The following THSD7B variants were observed in gnomAD, a reference collection of about 807,000 sequenced individuals.
THSD7B encodes the protein thrombospondin type-1 domain-containing protein 7B.
In THSD7B, 138 loss-of-function variants were observed where a neutral mutation model predicts 213.6. The observed-to-expected ratio is 0.65, with a 90% CI of 0.56 to 0.74. The LOEUF is 0.74. Ranked by LOEUF, THSD7B falls within the 30% of genes least tolerant of loss-of-function variation. The pLI, the probability that THSD7B is intolerant of heterozygous loss-of-function variation, is 0.00. For synonymous variants in THSD7B, 742 were observed against 687.0 expected (o/e 1.08, Z -1.25); for missense variants, 1,931 against 1,991.5 (o/e 0.97, Z 0.58).
intron 2 of THSD7B, among the ~76,000 whole-genome samples, chr2:136,949,544 G>T (rs1055376961): frequency 1.3e-5 from 2 of 152,178 alleles, no homozygotes; most frequent in Non-Finnish European, 2.9e-5. Context: ...TCCCAGCGTG[G>T]TTGCTGCGCT....
At chr2:136,807,797 C>T (rs947325246) in intron 1 of THSD7B, among the ~76,000 whole-genome samples, 1 of 152,154 alleles carries the variant, frequency 6.6e-6, no homozygotes. Context: ...TGAGCCACCA[C>T]ACCTGGCCAC....
chr2:137,279,237 A>AT lies in THSD7B; in HGVS notation c.2500+3217dup, dbSNP rs544951599. On this transcript the variant is annotated intron_variant, in intron 12 of 27. Coordinates refer to ENST00000409968, the MANE Select transcript of THSD7B (RefSeq NM_001316349.2). ...ATATGTACTACTTTGGTAAAAATAT[A>AT]TTTTTTAACATAAACTGGCCAGGTG... 3.8e-3 allele frequency among the ~76,000 whole-genome samples: 574 copies of AT among 152,224 alleles called. 5 individuals carry two copies. Among genetic ancestry groups the AT allele is most frequent in the African/African-American group, 0.011 (456 of 41,534 alleles).
chr2:136,873,021 T>TG, intron 1 of THSD7B, among the ~76,000 whole-genome samples: 1 of 43,500 alleles, frequency 2.3e-5, no homozygotes, highest in South Asian at 1.6e-3. Context: ...AGACTCCATC[T>TG]AAAAAAAAAA....
chr2:137,002,383 T>C (rs1336480613), intron 2 of THSD7B, among the ~76,000 whole-genome samples: 3 of 152,062 alleles, frequency 2.0e-5, no homozygotes, highest in African/African-American at 7.2e-5. Context: ...GATTATGAGA[T>C]CCTTCAGGAG....
intron 3 of THSD7B, among the ~76,000 whole-genome samples, chr2:137,064,425 A>G (rs897643077): frequency 2.0e-5 from 3 of 151,974 alleles, no homozygotes; most frequent in Admixed American, 6.6e-5. Flanking sequence ...TTAGACTGGT[A>G]GTTTGCAAAA....
At chr2:136,930,607 C>T (rs1684611618) in intron 2 of THSD7B, among the ~76,000 whole-genome samples, 1 of 152,072 alleles carries the variant, frequency 6.6e-6, no homozygotes, top group African/African-American at 2.4e-5. Context: ...AGCATCCAGG[C>T]TGATGGATGT....
chr2:137,181,126 A>G (rs543604708), intron 7 of THSD7B, among the ~76,000 whole-genome samples: 12 of 152,356 alleles, frequency 7.9e-5, no homozygotes, highest in African/African-American at 2.9e-4. Context: ...TCTTGATCAC[A>G]TTCAGACAGC....
intron 7 of THSD7B, among the ~76,000 whole-genome samples, chr2:137,212,281 A>G (rs999852785): frequency 3.9e-5 from 6 of 151,948 alleles, no homozygotes; most frequent in African/African-American, 1.4e-4. Flanking sequence ...TCATTTTGTA[A>G]TGAGTGAGCT....
intron 2 of THSD7B, among the ~76,000 whole-genome samples, chr2:136,904,613 T>C (rs529172869): frequency 1.3e-5 from 2 of 152,306 alleles, no homozygotes; most frequent in East Asian, 1.9e-4. Context: ...AGGGGCCATC[T>C]TCTTCCATGT....
At chr2:137,646,681 T>TAATAATAATAATAATAAAAAA (rs879335014) in intron 21 of THSD7B, among the ~76,000 whole-genome samples, 2 of 148,152 alleles carry the variant, frequency 1.3e-5, no homozygotes, top group African/African-American at 5.0e-5. Context: ...ATAATAATAA[T>TAATAATAATAATAATAAAAAA]AAACACTTCA....
chr2:137,333,852 A>G (rs1684573680), intron 12 of THSD7B, among the ~76,000 whole-genome samples: 1 of 152,222 alleles, frequency 6.6e-6, no homozygotes, highest in African/African-American at 2.4e-5. Flanking sequence ...GAAATGCTCT[A>G]TGATGATGGG....
chr2:136,927,653 G>T (rs190730268), intron 2 of THSD7B, among the ~76,000 whole-genome samples: 60 of 152,324 alleles, frequency 3.9e-4, no homozygotes, highest in Non-Finnish European at 8.8e-5. Flanking sequence ...CAGTTGGCTT[G>T]AACCAAAGTG....
intron 2 of THSD7B, among the ~76,000 whole-genome samples, chr2:136,997,998 C>G (rs1417848882): frequency 2.0e-5 from 3 of 151,906 alleles, no homozygotes; most frequent in Non-Finnish European, 4.4e-5. Flanking sequence ...GAGAAAAAGC[C>G]CAAAATTCAG....
intron 6 of THSD7B, among the ~76,000 whole-genome samples, chr2:137,165,726 T>C (rs1213829932): frequency 6.6e-6 from 1 of 151,508 alleles, no homozygotes; most frequent in Non-Finnish European, 1.5e-5. Context: ...ATCTAGGATA[T>C]TTATACTTTC....
chr2:137,289,359 G>A (rs1372589483), intron 12 of THSD7B, among the ~76,000 whole-genome samples: 2 of 151,532 alleles, frequency 1.3e-5, no homozygotes, highest in Non-Finnish European at 2.9e-5. Context: ...CAATAAAGAA[G>A]TGTATTACAT....
chr2:136,997,331 A>C (rs1003474563), intron 2 of THSD7B, among the ~76,000 whole-genome samples: 10 of 152,190 alleles, frequency 6.6e-5, no homozygotes, highest in Non-Finnish European at 1.2e-4. Context: ...CTAAAATTAG[A>C]GTGTAAATAT....
rs1430863587 is a variant in THSD7B, at chr2:137,310,111, A to C, written c.2500+34085A>C. On this transcript the variant is annotated intron_variant, in intron 12 of 27. Coordinates refer to ENST00000409968, the MANE Select transcript of THSD7B (RefSeq NM_001316349.2). The stretch of plus-strand genomic sequence containing the variant: ...ACTTCCACAATGGTTGAACTAGTTT[A>C]CAGTCCCACCAACAGTGTAATAGTG... Among the ~76,000 whole-genome samples the C allele has an allele frequency of 3.3e-5, 5 of 151,960 alleles. No homozygotes were observed. The South Asian group carries it at 1.1e-3, about 32-fold the overall frequency.
intron 7 of THSD7B, among the ~76,000 whole-genome samples, chr2:137,173,648 C>A (rs935578841): frequency 1.3e-5 from 2 of 152,164 alleles, no homozygotes; most frequent in African/African-American, 2.4e-5. Context: ...ACTCCCTCAT[C>A]GTTTGTGGGG....
chr2:137,139,226 T>C (rs1679532438), intron 5 of THSD7B, among the ~76,000 whole-genome samples: 3 of 152,206 alleles, frequency 2.0e-5, no homozygotes, highest in South Asian at 2.1e-4. Flanking sequence ...TTACTGCTGA[T>C]TGAGGGTCAG....
Sources: gnomAD v4.1 joint callset for allele counts (sites outside exome capture counted in the v4.1 genomes callset) on GRCh38, gnomAD v4.1.1 for gene constraint, MANE v1.5 for transcripts, NCBI Gene and HGNC (gene_info 2026-07-23, HGNC 2026-07-21) for gene names.